Variants in SHC4 observed in about 807,000 individuals in gnomAD.
SHC4 encodes SHC-transforming protein 4.
A neutral mutation model predicts 69.4 loss-of-function variants in SHC4; 41 were observed. That is an observed-to-expected ratio of 0.59 (90% CI 0.46 to 0.77). SHC4 has a LOEUF of 0.77. SHC4 is among the 30% of genes least tolerant of loss of function. The probability of loss-of-function intolerance (pLI) is 0.00; values close to 1 mark genes in which losing one functional copy is unlikely to be tolerated. For missense variants in SHC4, 777 were observed against 783.8 expected (o/e 0.99, Z 0.10); for synonymous variants, 318 against 299.3 (o/e 1.06, Z -0.64).
chr15:48,895,017 T>G (rs1900200206), intron 2 of SHC4, among the ~76,000 whole-genome samples: 1 of 151,978 alleles, frequency 6.6e-6, no homozygotes, highest in African/African-American at 2.4e-5. Context: ...GTTGCCTGGG[T>G]TGGTCTTGAA....
chr15:48,830,756 C>T (rs747920803), intron 11 of SHC4, among the ~76,000 whole-genome samples: 1 of 152,152 alleles, frequency 6.6e-6, no homozygotes, highest in Non-Finnish European at 1.5e-5. Context: ...GCATTATCTG[C>T]GTACGAGCAA....
chr15:48,920,624 G>T (rs1001165245), intron 2 of SHC4, among the ~76,000 whole-genome samples: 11 of 152,074 alleles, frequency 7.2e-5, no homozygotes, highest in African/African-American at 2.7e-4. Flanking sequence ...GGAAAAGGGG[G>T]TACCAATTAG....
chr15:48,844,394 CCTT>C (rs751688757), intron 9 of SHC4, among the ~76,000 whole-genome samples: 1 of 152,146 alleles, frequency 6.6e-6, no homozygotes, highest in Non-Finnish European at 1.5e-5. Flanking sequence ...ACCCAGCTAC[CCTT>C]CTTCCTCTCT....
intron 4 of SHC4, among the ~76,000 whole-genome samples, chr15:48,872,706 T>G (rs536429392): frequency 1.9e-4 from 29 of 152,370 alleles, no homozygotes; most frequent in Non-Finnish European, 4.0e-4. Context: ...TTGATTTCAG[T>G]CATTCACTAC....
At chr15:48,945,093 G>A (rs1017102964) in intron 1 of SHC4, among the ~76,000 whole-genome samples, 1 of 152,200 alleles carries the variant, frequency 6.6e-6, no homozygotes, top group Non-Finnish European at 1.5e-5. Context: ...GTGGTAACAG[G>A]TTGTCCTCTC....
At chr15:48,933,878 A>T (rs1901018448) in intron 1 of SHC4, among the ~76,000 whole-genome samples, 1 of 152,170 alleles carries the variant, frequency 6.6e-6, no homozygotes, top group Middle Eastern at 3.2e-3. Context: ...CGATGGCACC[A>T]GAGCAATTGT....
At position 48,852,692 on chromosome 15, in the gene SHC4, A is replaced by G. The variant is rs183703125; in HGVS notation, c.1243-1444T>C. ...CAAGGTGGGCAGATCACCTGAGGTCAGGAGTTTGAGACCAGCCTCGCCAAC... is the reference window on the plus strand; with the variant it reads ...CAAGGTGGGCAGATCACCTGAGGTCGGGAGTTTGAGACCAGCCTCGCCAAC... On this transcript the variant is annotated intron_variant, in intron 8 of 11. Coordinates refer to ENST00000332408, the MANE Select transcript of SHC4 (RefSeq NM_203349.4). 3.9e-3 allele frequency among the ~76,000 whole-genome samples: 587 copies of G among 152,224 alleles called. 2 individuals carry two copies. Among genetic ancestry groups the G allele is most frequent in the African/African-American group, 0.014 (572 of 41,538 alleles).
intron 2 of SHC4, among the ~76,000 whole-genome samples, chr15:48,922,614 G>T (rs999150546): frequency 2.6e-5 from 4 of 152,050 alleles, no homozygotes; most frequent in African/African-American, 9.7e-5. Context: ...CCTCCTAAAG[G>T]CCCTGCCTCT....
chr15:48,960,923 C>T (rs1901536317), intron 1 of SHC4, among the ~76,000 whole-genome samples: 1 of 152,068 alleles, frequency 6.6e-6, no homozygotes, highest in Non-Finnish European at 1.5e-5. Flanking sequence ...TCAATCACAA[C>T]CCCAATAAAC....
chr15:48,889,502 CAGTTTAGT>C (rs1567062207), intron 3 of SHC4, among the ~76,000 whole-genome samples: 1 of 152,062 alleles, frequency 6.6e-6, no homozygotes, highest in Non-Finnish European at 1.5e-5. Flanking sequence ...GTCTCAGACT[CAGTTTAGT>C]AGCTGGCAAA....
At chr15:48,935,737 G>A (rs554766396) in intron 1 of SHC4, among the ~76,000 whole-genome samples, 78 of 152,206 alleles carry the variant, frequency 5.1e-4, no homozygotes, top group Non-Finnish European at 9.6e-4. Context: ...GGCATCTCCT[G>A]CCCTGGAATA....
Position 48,963,367 on chromosome 15 carries a change from G to A in SHC4, c.-352C>T, listed in dbSNP as rs1901580313. ...CGGGCGAGCGCCGGTCGGGGGGCCC[G>A]CTGCATCACTAGCCTTGCAGGAGCC... On this transcript the variant is annotated 5_prime_UTR_variant, in exon 1 of 12. Coordinates refer to ENST00000332408, the MANE Select transcript of SHC4 (RefSeq NM_203349.4). 2 of 272,768 alleles carry A rather than the reference G, an allele frequency of 7.3e-6. No homozygotes were observed. The highest frequency in any genetic ancestry group is 7.2e-5 in the East Asian group (1 of 13,906). The allele number at this position is 272,768 out of a possible 1,614,324, so 16.9% of individuals were successfully genotyped here.
chr15:48,882,879 CAT>C (rs1899969724), intron 4 of SHC4, among the ~76,000 whole-genome samples: 1 of 152,206 alleles, frequency 6.6e-6, no homozygotes, highest in Non-Finnish European at 1.5e-5. Flanking sequence ...TCACCACCCA[CAT>C]GTGTCTTCCA....
intron 4 of SHC4, among the ~76,000 whole-genome samples, chr15:48,882,234 T>C (rs1267869787): frequency 6.6e-6 from 1 of 152,076 alleles, no homozygotes; most frequent in East Asian, 1.9e-4. Context: ...CAGTGGCACA[T>C]CTCTCCCCCA....
Position 48,907,840 on chromosome 15 carries a change from G to GTGTATA in SHC4, c.657-17030_657-17029insTATACA, listed in dbSNP as rs763689321. On this transcript the variant is annotated intron_variant, in intron 2 of 11. Coordinates refer to ENST00000332408, the MANE Select transcript of SHC4 (RefSeq NM_203349.4). ...TGTGTGTGTGTGTGTGTGTGTGTGTGTATATATATATATATGTATATGTAT... is the reference window on the plus strand; with the variant it reads ...TGTGTGTGTGTGTGTGTGTGTGTGTGTGTATATATATATATATATATGTATATGTAT... 6.8e-3 allele frequency among the ~76,000 whole-genome samples: 968 copies of GTGTATA among 142,216 alleles called. 33 individuals are homozygous for GTGTATA. In the East Asian group the frequency reaches 0.11, roughly 16 times the overall value. 93.3% of individuals were successfully genotyped at this position (142,216 alleles called of 152,430 possible). A position where few individuals can be genotyped will look rare whatever the true frequency, so the allele number is the denominator to read the frequency against.
Position 48,946,713 on chromosome 15 carries a change from C to G in SHC4, c.585+15718G>C, listed in dbSNP as rs532975986. ...CAACGCATTTGGAACATTCTCTCCC[C>G]AGAACATTCCTATCACTGGACTAGG... On this transcript the variant is annotated intron_variant, in intron 1 of 11. Transcript: ENST00000332408. 3.9e-4 allele frequency: 152 copies of G among 393,920 alleles called. 1 individual carries two copies. Among genetic ancestry groups the G allele is most frequent in the Non-Finnish European group, 5.0e-4 (144 of 289,906 alleles). The allele number at this position is 393,920 out of a possible 1,614,324, so 24.4% of individuals were successfully genotyped here.
At chr15:48,919,728 G>A (rs1156809826) in intron 2 of SHC4, among the ~76,000 whole-genome samples, 3 of 151,912 alleles carry the variant, frequency 2.0e-5, no homozygotes, top group African/African-American at 7.3e-5. Flanking sequence ...TCAGGCCCTA[G>A]CTCAAATGTC....
chr15:48,963,347 G>A lies in SHC4; in HGVS notation c.-332C>T, dbSNP rs915029175. 16 of 290,226 alleles carry A rather than the reference G, an allele frequency of 5.5e-5. No individual in the cohort carries two copies. The highest frequency in any genetic ancestry group is 2.6e-4 in the African/African-American group (12 of 46,252). 18.0% of individuals were successfully genotyped at this position (290,226 alleles called of 1,614,324 possible). The stretch of plus-strand genomic sequence containing the variant: ...CAACTCTTAGGCGCAGAACCCGGGC[G>A]AGCGCCGGTCGGGGGGCCCGCTGCA... On this transcript the variant is annotated 5_prime_UTR_variant, in exon 1 of 12. Transcript: ENST00000332408.
intron 5 of SHC4, among the ~76,000 whole-genome samples, chr15:48,869,154 A>G (rs149838547): frequency 1.3e-5 from 2 of 152,342 alleles, no homozygotes; most frequent in Non-Finnish European, 2.9e-5. Context: ...TAGCAGGGGA[A>G]AATATGTTTA....
Sources: gnomAD v4.1 joint callset for allele counts (sites outside exome capture counted in the v4.1 genomes callset) on GRCh38, gnomAD v4.1.1 for gene constraint, MANE v1.5 for transcripts, NCBI Gene and HGNC (gene_info 2026-07-23, HGNC 2026-07-21) for gene names.